PALS1: variants seen among roughly 807,000 people sequenced by gnomAD.
PALS1 encodes protein PALS1.
PALS1 carries 31 observed loss-of-function variants against 78.9 expected under a neutral mutation model. The observed-to-expected ratio is 0.39, with a 90% confidence interval of 0.30 to 0.53. The LOEUF is 0.53. Ranked by LOEUF, PALS1 falls within the 20% of genes least tolerant of loss-of-function variation. The pLI is 0.67. For synonymous variants in PALS1, 276 were observed against 270.9 expected, an observed-to-expected ratio of 1.02 and a Z score of -0.18; for missense variants, 704 against 826.5, an observed-to-expected ratio of 0.85 and a Z score of 1.82.
chr14:67,253,689 A>G (rs533819815), intron 1 of PALS1, among the ~76,000 whole-genome samples: 31 of 152,276 alleles, frequency 2.0e-4, no homozygotes, highest in Admixed American at 1.6e-3. Context: ...TACAAAAAAT[A>G]CAAAAAAATT....
At chr14:67,317,189 G>C (rs1325395756) in intron 10 of PALS1, among the ~76,000 whole-genome samples, 2 of 152,226 alleles carry the variant, frequency 1.3e-5, no homozygotes, top group African/African-American at 4.8e-5. Flanking sequence ...CAAGCTGGGT[G>C]TGGTGGTTTG....
intron 1 of PALS1, among the ~76,000 whole-genome samples, chr14:67,257,911 G>T (rs1209293039): frequency 6.6e-6 from 1 of 152,032 alleles, no homozygotes; most frequent in East Asian, 1.9e-4. Context: ...TATATTAGGG[G>T]CCCCTTATAT....
chr14:67,247,127 C>T (rs1028036657), intron 1 of PALS1, among the ~76,000 whole-genome samples: 1 of 152,162 alleles, frequency 6.6e-6, no homozygotes, highest in Admixed American at 6.5e-5. Context: ...ATTTAGAGAT[C>T]AACCTGAAGA....
intron 7 of PALS1, among the ~76,000 whole-genome samples, chr14:67,303,089 A>C (rs551047081): frequency 1.3e-5 from 2 of 152,342 alleles, no homozygotes; most frequent in East Asian, 3.9e-4. Flanking sequence ...GCTGCATTTC[A>C]AGTGCTGAGA....
chr14:67,251,924 G>A (rs534265141), intron 1 of PALS1, among the ~76,000 whole-genome samples: 2 of 152,298 alleles, frequency 1.3e-5, no homozygotes, highest in African/African-American at 4.8e-5. Context: ...AGTCACCAAT[G>A]GCCAGTAATT....
In PALS1 at chr14:67,300,336, C is replaced by CT. The variant is rs36091817; in HGVS notation, c.577-1042dup. Among the ~76,000 whole-genome samples, 547 of 138,982 alleles carry CT rather than the reference C, an allele frequency of 3.9e-3. 5 individuals are homozygous for CT. Among genetic ancestry groups the CT allele is most frequent in the Non-Finnish European group, 4.1e-3 (267 of 64,974 alleles). 91.2% of individuals were successfully genotyped at this position (138,982 alleles called of 152,430 possible). ...ACTGGGTTCCTGTATTATGAATTACCTTTTTTTTTTTGAGAAAGTCTCATT... is the reference window on the plus strand; with the variant it reads ...ACTGGGTTCCTGTATTATGAATTACCTTTTTTTTTTTTGAGAAAGTCTCATT... On this transcript the variant is annotated intron_variant, in intron 4 of 14. Coordinates refer to ENST00000261681, the MANE Select transcript of PALS1 (RefSeq NM_022474.4).
At chr14:67,318,209 G>A (rs993136678) in intron 11 of PALS1, among the ~76,000 whole-genome samples, 1 of 152,100 alleles carries the variant, frequency 6.6e-6, no homozygotes, top group Non-Finnish European at 1.5e-5. Context: ...AGGCTTTTCT[G>A]TCAAGAATTT....
At chr14:67,304,945 T>C (rs1378165823) in intron 8 of PALS1, among the ~76,000 whole-genome samples, 2 of 152,230 alleles carry the variant, frequency 1.3e-5, no homozygotes, top group African/African-American at 4.8e-5. Flanking sequence ...AGGTATGCTT[T>C]ATAGTTTGGC....
At chr14:67,260,982 A>T (rs1289274669) in intron 1 of PALS1, among the ~76,000 whole-genome samples, 3 of 152,152 alleles carry the variant, frequency 2.0e-5, no homozygotes, top group African/African-American at 7.2e-5. Context: ...AATGCCCTGG[A>T]GTCAAGCAGA....
intron 1 of PALS1, among the ~76,000 whole-genome samples, chr14:67,261,579 T>C (rs116199961): frequency 0.02 from 3,112 of 152,276 alleles, 105 homozygotes; most frequent in African/African-American, 0.071. Context: ...TGTCAAGTTA[T>C]GACATGTGGC....
chr14:67,277,022 G>C (rs1402752605), intron 2 of PALS1, among the ~76,000 whole-genome samples: 1 of 152,084 alleles, frequency 6.6e-6, no homozygotes, highest in African/African-American at 2.4e-5. Context: ...TTAATTTTCT[G>C]AAAATACTAA....
chr14:67,254,967 G>A (rs2084123244), intron 1 of PALS1, among the ~76,000 whole-genome samples: 1 of 152,184 alleles, frequency 6.6e-6, no homozygotes, highest in Admixed American at 6.6e-5. Flanking sequence ...TAGCCAACAT[G>A]GTGAAACCTC....
chr14:67,253,355 G>A (rs1358549702), intron 1 of PALS1, among the ~76,000 whole-genome samples: 3 of 152,176 alleles, frequency 2.0e-5, no homozygotes, highest in Non-Finnish European at 4.4e-5. Flanking sequence ...ATTGTATGTT[G>A]AGGTCAGCTT....
rs188242699 is a variant in PALS1, at chr14:67,274,457, C to T, written c.-153-4561C>T. ...AGATGTGTGGTACTATTTCTGAGGG[C>T]TCTGTTCTGTTCCATTGGTCTATAT... On this transcript the variant is annotated intron_variant, in intron 2 of 14. Coordinates refer to ENST00000261681, the MANE Select transcript of PALS1 (RefSeq NM_022474.4). Among the ~76,000 whole-genome samples the T allele has an allele frequency of 5.2e-3, 791 of 152,138 alleles. 26 individuals are homozygous for T. Among genetic ancestry groups the T allele is most frequent in the Admixed American group, 0.046 (699 of 15,268 alleles).
chr14:67,316,761 C>G (rs2085181736), intron 9 of PALS1, 71 bp from the exon 10 acceptor site: 1 of 1,276,768 alleles, frequency 7.8e-7, no homozygotes, highest in African/African-American at 1.6e-5. Flanking sequence ...GTTTTCCCTT[C>G]TTGATTAAAA....
intron 4 of PALS1, among the ~76,000 whole-genome samples, chr14:67,297,261 C>G (rs955449780): frequency 5.9e-5 from 9 of 152,038 alleles, no homozygotes; most frequent in Non-Finnish European, 2.9e-5. Context: ...TGCAATAAAA[C>G]AGGAAGAAGT....
intron 3 of PALS1, among the ~76,000 whole-genome samples, chr14:67,291,077 C>T (rs1479952522): frequency 1.3e-5 from 2 of 151,858 alleles, no homozygotes; most frequent in South Asian, 4.2e-4. Flanking sequence ...GCAGGGGGGT[C>T]GGAGTTGACA....
intron 14 of PALS1, among the ~76,000 whole-genome samples, chr14:67,331,915 G>GTT (rs2085456051): frequency 7.0e-6 from 1 of 143,290 alleles, no homozygotes; most frequent in East Asian, 2.5e-4. Flanking sequence ...GCCATATTCA[G>GTT]ATGTACAACA....
intron 4 of PALS1, among the ~76,000 whole-genome samples, chr14:67,298,384 G>A (rs1165203670): frequency 6.6e-6 from 1 of 151,748 alleles, no homozygotes; most frequent in African/African-American, 2.4e-5. Context: ...GTGTGGTGGC[G>A]GGCACCTGTA....
Sources: allele counts gnomAD v4.1 joint callset (sites outside exome capture counted in the v4.1 genomes callset), GRCh38; gene constraint gnomAD v4.1.1; transcripts MANE v1.5; gene names NCBI Gene and HGNC (gene_info 2026-07-23, HGNC 2026-07-21).